PTPRT: variants seen among roughly 807,000 people sequenced by gnomAD.
PTPRT encodes the protein receptor-type tyrosine-protein phosphatase T.
Under a neutral mutation model 176.8 loss-of-function variants are expected in PTPRT, and 56 were observed. That is an observed-to-expected ratio of 0.32 (90% CI 0.26 to 0.40). The LOEUF (loss-of-function observed/expected upper bound fraction) is 0.40, where lower values mean the gene tolerates loss of function less well. PTPRT is among the 10% of genes least tolerant of loss of function. The pLI, the probability that PTPRT is intolerant of heterozygous loss-of-function variation, is 1.00. For missense variants in PTPRT, 1,540 were observed against 1,908.2 expected (o/e 0.81, Z 3.60); for synonymous variants, 783 against 739.0 (o/e 1.06, Z -0.96).
intron 1 of PTPRT, among the ~76,000 whole-genome samples, chr20:42,900,896 A>G (rs969274962): frequency 1.6e-4 from 25 of 151,822 alleles, no homozygotes; most frequent in Admixed American, 1.2e-3. Context: ...CCAGGGCTCA[A>G]GGCATAAAAC....
chr20:43,170,919 G>A (rs1425647608), intron 1 of PTPRT, among the ~76,000 whole-genome samples: 1 of 152,150 alleles, frequency 6.6e-6, no homozygotes, highest in Non-Finnish European at 1.5e-5. Context: ...TGAATCTTTC[G>A]CAGCTTCGAA....
chr20:42,281,884 G>C (rs1455103921), intron 13 of PTPRT, among the ~76,000 whole-genome samples: 2 of 152,126 alleles, frequency 1.3e-5, no homozygotes, highest in African/African-American at 2.4e-5. Context: ...TTTTTAAAAA[G>C]AGTAATAAAC....
At chr20:42,491,053 C>T (rs538777737) in intron 7 of PTPRT, among the ~76,000 whole-genome samples, 30 of 151,996 alleles carry the variant, frequency 2.0e-4, no homozygotes, top group Non-Finnish European at 4.0e-4. Context: ...TATTCTTTAG[C>T]ATATTTAAAG....
Position 42,251,306 on chromosome 20 carries a change from A to G in PTPRT, c.2177-2484T>C, listed in dbSNP as rs75401021. On this transcript the variant is annotated intron_variant, in intron 13 of 30. Coordinates refer to ENST00000373187, the MANE Select transcript of PTPRT (RefSeq NM_007050.6). The stretch of plus-strand genomic sequence containing the variant: ...ATCCTATTACTCTAGGAACAATGCT[A>G]TTAGCTTGGTCTAATGAGACTCATA... Among the ~76,000 whole-genome samples, 1,026 of 152,192 alleles carry G rather than the reference A, an allele frequency of 6.7e-3. 12 individuals carry two copies. Among genetic ancestry groups the G allele is most frequent in the African/African-American group, 0.024 (977 of 41,514 alleles).
chr20:42,841,711 G>A (rs1223633834), intron 2 of PTPRT, among the ~76,000 whole-genome samples: 4 of 151,840 alleles, frequency 2.6e-5, no homozygotes, highest in Non-Finnish European at 2.9e-5. Flanking sequence ...CTATATGTAC[G>A]AGAATGTCAA....
chr20:43,162,764 T>C (rs898063383), intron 1 of PTPRT, among the ~76,000 whole-genome samples: 11 of 126,758 alleles, frequency 8.7e-5, no homozygotes, highest in African/African-American at 2.8e-4. Flanking sequence ...CTTTTCATGA[T>C]GACCCGCTGG....
intron 7 of PTPRT, among the ~76,000 whole-genome samples, chr20:42,535,431 T>C (rs1047921823): frequency 6.6e-6 from 1 of 152,170 alleles, no homozygotes; most frequent in Non-Finnish European, 1.5e-5. Context: ...ATATGCAGTT[T>C]ACCTATATAG....
At chr20:42,842,045 A>T (rs2078288304) in intron 2 of PTPRT, among the ~76,000 whole-genome samples, 1 of 152,222 alleles carries the variant, frequency 6.6e-6, no homozygotes, top group Non-Finnish European at 1.5e-5. Flanking sequence ...TTTAAAAAAA[A>T]TTCCAGCTCC....
chr20:42,641,102 T>C (rs2074737039), intron 7 of PTPRT, among the ~76,000 whole-genome samples: 1 of 152,160 alleles, frequency 6.6e-6, no homozygotes, highest in Non-Finnish European at 1.5e-5. Flanking sequence ...TTTAGGTTGC[T>C]TCCAATTTTT....
At chr20:43,099,600 C>G (rs2012309339) in intron 1 of PTPRT, among the ~76,000 whole-genome samples, 1 of 152,182 alleles carries the variant, frequency 6.6e-6, no homozygotes, top group Non-Finnish European at 1.5e-5. Flanking sequence ...CCATCCCTAC[C>G]TCCTAATTTC....
intron 12 of PTPRT, among the ~76,000 whole-genome samples, chr20:42,285,687 A>G: frequency 6.6e-6 from 1 of 151,892 alleles, no homozygotes; most frequent in Non-Finnish European, 1.5e-5. Flanking sequence ...TCCTAGCCAG[A>G]GCAACTGGGC....
At chr20:42,759,513 T>C (rs1391405498) in intron 5 of PTPRT, among the ~76,000 whole-genome samples, 1 of 152,080 alleles carries the variant, frequency 6.6e-6, no homozygotes, top group African/African-American at 2.4e-5. Context: ...AGCATAAAAA[T>C]GCACAGAGAT....
intron 15 of PTPRT, among the ~76,000 whole-genome samples, chr20:42,225,290 C>T (rs1024684272): frequency 6.6e-6 from 1 of 152,092 alleles, no homozygotes; most frequent in African/African-American, 2.4e-5. Context: ...TATATCAAAC[C>T]ACTGCTTTGT....
intron 25 of PTPRT, 35 bp downstream of exon 25, chr20:42,104,534 C>G (rs776071354): frequency 2.5e-6 from 4 of 1,588,956 alleles, no homozygotes; most frequent in Non-Finnish European, 1.7e-6. Flanking sequence ...CCCAAACTGA[C>G]TAAGATGGTC....
intron 1 of PTPRT, among the ~76,000 whole-genome samples, chr20:43,031,773 C>A (rs1986148035): frequency 6.6e-6 from 1 of 152,168 alleles, no homozygotes; most frequent in Admixed American, 6.5e-5. Context: ...ACCAAAAGGA[C>A]AATATAAGGG....
intron 7 of PTPRT, among the ~76,000 whole-genome samples, chr20:42,547,284 T>C (rs2072692653): frequency 6.6e-6 from 1 of 152,156 alleles, no homozygotes; most frequent in African/African-American, 2.4e-5. Flanking sequence ...CTTGCTAACA[T>C]GGACACCAAG....
intron 26 of PTPRT, among the ~76,000 whole-genome samples, chr20:42,099,546 C>CGAGGGGGGGGGGG (rs1262251876): frequency 3.5e-5 from 1 of 28,898 alleles, no homozygotes; most frequent in Admixed American, 4.9e-4. Flanking sequence ...ATGGCCTGGG[C>CGAGGGGGGGGGGG]GGGGGGGGGG....
At chr20:42,503,234 C>G (rs1353548517) in intron 7 of PTPRT, among the ~76,000 whole-genome samples, 1 of 150,620 alleles carries the variant, frequency 6.6e-6, no homozygotes, top group Admixed American at 6.7e-5. Context: ...TAGGTTTAAT[C>G]TATTGTTCTT....
chr20:42,712,584 G>A (rs1463150366), intron 6 of PTPRT, among the ~76,000 whole-genome samples: 1 of 152,112 alleles, frequency 6.6e-6, no homozygotes, highest in African/African-American at 2.4e-5. Context: ...CTATCTCTGA[G>A]CCCTGGACTC....
Sources: allele counts gnomAD v4.1 joint callset (sites outside exome capture counted in the v4.1 genomes callset), GRCh38; gene constraint gnomAD v4.1.1; transcripts MANE v1.5; gene names NCBI Gene and HGNC (gene_info 2026-07-23, HGNC 2026-07-21).